Variants in ZXDC observed in about 807,000 individuals in gnomAD.
ZXDC encodes the protein ZXD family zinc finger C, also known as zinc finger protein ZXDC.
A neutral mutation model predicts 63.6 loss-of-function variants in ZXDC; 58 were observed. That is an observed-to-expected ratio of 0.91 (90% confidence interval 0.74 to 1.13). The LOEUF (loss-of-function observed/expected upper bound fraction) is 1.13. ZXDC is among the 50% of genes most tolerant of loss of function. The pLI is 0.00. For synonymous variants in ZXDC, 561 were observed against 496.1 expected (o/e 1.13, Z -1.74); for missense variants, 1,133 against 1,148.9 (o/e 0.99, Z 0.20).
intron 7 of ZXDC, chr3:126,450,464 T>A: frequency 2.2e-6 from 1 of 456,676 alleles, no homozygotes; most frequent in South Asian, 1.5e-5. Context: ...AGCCCCTGCA[T>A]CCTCAAAGAT....
intron 4 of ZXDC, among the ~76,000 whole-genome samples, chr3:126,468,071 T>C (rs1417057449): frequency 3.9e-5 from 6 of 152,160 alleles, no homozygotes; most frequent in Non-Finnish European, 7.3e-5. Context: ...GAGATCTGTT[T>C]CCATTCTTTA....
intron 6 of ZXDC, 170 bp from the exon 7 acceptor site, chr3:126,459,907 G>A: frequency 1.0e-6 from 1 of 985,480 alleles, no homozygotes; most frequent in Non-Finnish European, 1.2e-6. Context: ...TGTGGCGAGG[G>A]CCGAACAAAC....
At chr3:126,451,263 G>A in intron 7 of ZXDC, 5 of 985,310 alleles carry the variant, frequency 5.1e-6, no homozygotes, top group Non-Finnish European at 6.0e-6. Context: ...ACTACTGCTT[G>A]TTTCCAGGTA....
In ZXDC at chr3:126,461,632, C is replaced by T. The variant is rs1007382210; in HGVS notation, c.2030G>A (p.Gly677Glu). The change falls in exon 6 of 10, where the codon GGA becomes GAA. Residue 677 changes from glycine (G) to glutamate (E), a missense_variant. Physicochemically the swap from Gly to Glu is moderately conservative, Grantham distance 98. Coordinates refer to ENST00000389709, the MANE Select transcript of ZXDC (RefSeq NM_025112.5). Reference sequence around the variant, plus strand: ...CGTGGACTGGGGCAGCCCATGGCTTCCTTCCTGCTGCCCAACTGCTCCTGG... The same window carrying T: ...CGTGGACTGGGGCAGCCCATGGCTTTCTTCCTGCTGCCCAACTGCTCCTGG... ...SRPGAVGQQE[G>E]SHGLPQSTLP... 8 of 1,613,926 alleles carry T rather than the reference C, an allele frequency of 5.0e-6. No individual in the cohort carries two copies. In the Admixed American group the frequency reaches 5.0e-5, roughly 10 times the overall value.
chr3:126,453,034 C>A (rs1053025011), intron 7 of ZXDC: 4 of 985,264 alleles, frequency 4.1e-6, no homozygotes, highest in African/African-American at 3.5e-5. Flanking sequence ...CTGAGAGATA[C>A]CCTTGTCAGA....
intron 7 of ZXDC, among the ~76,000 whole-genome samples, chr3:126,449,569 T>A (rs1934015265): frequency 6.6e-6 from 1 of 152,238 alleles, no homozygotes; most frequent in Admixed American, 6.5e-5. Context: ...ATGCTTTGAA[T>A]GTCTCAGCAG....
At position 126,461,544 on chromosome 3, in the gene ZXDC, G is replaced by A; in HGVS notation, c.2118C>T (p.Asn706=). ...ATAGAGTGCTTCATACCAAATAGAA[G>A]TTGCCAGTGCCTGCACTGAGCTCTG... ...QDTELSAGTG[N]FYLESGGSAR... Residue 706 remains asparagine (N), a synonymous_variant, in exon 6 of 10, where the codon AAC becomes AAT. Coordinates refer to ENST00000389709, the MANE Select transcript of ZXDC (RefSeq NM_025112.5). 1 of 1,608,608 alleles carries A rather than the reference G, an allele frequency of 6.2e-7. No individual in the cohort carries two copies. The highest frequency in any genetic ancestry group is 1.7e-5 in the Admixed American group (1 of 59,690).
chr3:126,461,224 C>G, intron 6 of ZXDC: 1 of 1,112,512 alleles, frequency 9.0e-7, no homozygotes, highest in Non-Finnish European at 1.1e-6. Flanking sequence ...GGCAAAGTAT[C>G]TCAACATTAC....
rs183436449 is a variant in ZXDC, at chr3:126,453,981, A to G, written c.2212+5672T>C. 1,132 of 942,416 alleles carry G rather than the reference A, an allele frequency of 1.2e-3. 2 individuals are homozygous for G. The highest frequency in any genetic ancestry group is 1.4e-3 in the Non-Finnish European group (1,073 of 791,430). 58.4% of individuals were successfully genotyped at this position (942,416 alleles called of 1,614,324 possible). On this transcript the variant is annotated intron_variant, in intron 7 of 9. Transcript: ENST00000389709. ...GTACTGCCTATACATGTATATATATATGTGTACATATAGGCATATATATAT... is the reference window on the plus strand; with the variant it reads ...GTACTGCCTATACATGTATATATATGTGTGTACATATAGGCATATATATAT...
At chr3:126,463,832 A>G (rs1934649187) in intron 5 of ZXDC, among the ~76,000 whole-genome samples, 1 of 152,220 alleles carries the variant, frequency 6.6e-6, no homozygotes, top group Non-Finnish European at 1.5e-5. Context: ...TATATTTTTA[A>G]TAATGCAAAT....
intron 5 of ZXDC, among the ~76,000 whole-genome samples, chr3:126,464,310 T>C (rs912769961): frequency 6.6e-6 from 1 of 152,208 alleles, no homozygotes; most frequent in Non-Finnish European, 1.5e-5. Context: ...CCAGCCCTTC[T>C]TGCAGGTGTG....
chr3:126,470,055 A>C (rs77463749), intron 4 of ZXDC, among the ~76,000 whole-genome samples: 2,573 of 152,304 alleles, frequency 0.017, 76 homozygotes, highest in South Asian at 0.13. Context: ...CTCCCAGTGC[A>C]CCTGCAGAAC....
chr3:126,472,359 T>A (rs1020775863), intron 1 of ZXDC, 54 bp from the exon 2 acceptor site: 21 of 1,582,292 alleles, frequency 1.3e-5, no homozygotes, highest in Non-Finnish European at 1.8e-5. Flanking sequence ...TTATACAACA[T>A]AGCTAATGCT....
At chr3:126,458,268 ACT>A (rs1934390128) in intron 7 of ZXDC, among the ~76,000 whole-genome samples, 1 of 140,102 alleles carries the variant, frequency 7.1e-6, no homozygotes, top group African/African-American at 2.7e-5. Context: ...ATGGAGTCTC[ACT>A]CTGTCACCCA....
intron 6 of ZXDC, chr3:126,461,052 C>T: frequency 1.0e-6 from 1 of 985,060 alleles, no homozygotes; most frequent in Non-Finnish European, 1.2e-6. Flanking sequence ...TCTTATAATC[C>T]TCCAAGAACT....
chr3:126,438,265 CTGG>C lies in ZXDC; in HGVS notation c.*107_*109del. ...ACCCAAAAGTCTCAAAAGGGCTACGCTGGTCTTCTGAACGGAAACCAAATGAGG... is the reference window on the plus strand; with the variant it reads ...ACCCAAAAGTCTCAAAAGGGCTACGCTCTTCTGAACGGAAACCAAATGAGG... On this transcript the variant is annotated 3_prime_UTR_variant, in exon 10 of 10. Coordinates refer to ENST00000389709, the MANE Select transcript of ZXDC (RefSeq NM_025112.5). The C allele has an allele frequency of 1.2e-6, 1 of 867,540 alleles. No homozygotes were observed. The highest frequency in any genetic ancestry group is 1.5e-5 in the South Asian group (1 of 68,554). 53.7% of individuals were successfully genotyped at this position (867,540 alleles called of 1,614,324 possible).
chr3:126,466,359 A>C, intron 4 of ZXDC, 34 bp from the exon 5 acceptor site: 1 of 1,613,202 alleles, frequency 6.2e-7, no homozygotes, highest in Non-Finnish European at 8.5e-7. Context: ...GTGAAACCCA[A>C]GGATCACCAA....
chr3:126,474,421 G>A (rs1417947793), intron 1 of ZXDC, among the ~76,000 whole-genome samples: 3 of 152,300 alleles, frequency 2.0e-5, no homozygotes, highest in East Asian at 1.9e-4. Flanking sequence ...TGTAAAAGAG[G>A]ACAGTTTTTA....
At chr3:126,467,613 A>G (rs984286355) in intron 4 of ZXDC, among the ~76,000 whole-genome samples, 1 of 152,130 alleles carries the variant, frequency 6.6e-6, no homozygotes, top group African/African-American at 2.4e-5. Context: ...TTTCAACTAC[A>G]TTTTTCATTT....
Sources: allele counts gnomAD v4.1 joint callset (sites outside exome capture counted in the v4.1 genomes callset), GRCh38; gene constraint gnomAD v4.1.1; transcripts MANE v1.5; gene names NCBI Gene and HGNC (gene_info 2026-07-23, HGNC 2026-07-21).